The following PSMG2 variants were observed in gnomAD, a reference collection of about 807,000 sequenced individuals.
The protein encoded by PSMG2 is proteasome assembly chaperone 2, also known as CD40 ligand-activated specific transcript 3.
PSMG2 carries 21 observed loss-of-function variants against 31.5 expected under a neutral mutation model. That is an observed-to-expected ratio of 0.67 (90% CI 0.47 to 0.96). The LOEUF (loss-of-function observed/expected upper bound fraction) is 0.96. Among genes scored for constraint, PSMG2 ranks in the 40% least tolerant of loss-of-function variants. The probability of loss-of-function intolerance (pLI) is 0.00; values close to 1 mark genes in which losing one functional copy is unlikely to be tolerated. For missense variants in PSMG2, 318 were observed against 321.2 expected, an observed-to-expected ratio of 0.99 and a Z score of 0.08; for synonymous variants, 120 against 110.4, an observed-to-expected ratio of 1.09 and a Z score of -0.54.
chr18:12,708,650 C>T (rs1053662214), intron 2 of PSMG2, among the ~76,000 whole-genome samples: 7 of 149,876 alleles, frequency 4.7e-5, no homozygotes, highest in South Asian at 2.1e-4. Flanking sequence ...AGGCACAAGC[C>T]GCTGCGCCCA....
chr18:12,704,471 C>T (rs1277468232), intron 1 of PSMG2, among the ~76,000 whole-genome samples: 3 of 152,006 alleles, frequency 2.0e-5, no homozygotes, highest in East Asian at 1.9e-4. Flanking sequence ...GCACCTGTAT[C>T]TCAGCTACTC....
At chr18:12,702,380 G>T, upstream of PSMG2, 1 of 837,820 alleles carries the variant, frequency 1.2e-6, no homozygotes. Context: ...CACAATCCTC[G>T]CTACAGTCCC....
chr18:12,705,632 T>G (rs2040260857), intron 1 of PSMG2, among the ~76,000 whole-genome samples: 1 of 150,864 alleles, frequency 6.6e-6, no homozygotes, highest in Admixed American at 6.7e-5. Context: ...CTTCAACCTT[T>G]CGGAATGGGT....
chr18:12,701,154 GCAGT>G, upstream of PSMG2: 1 of 1,520,148 alleles, frequency 6.6e-7, no homozygotes, highest in Non-Finnish European at 9.0e-7. Context: ...ACATCACAAA[GCAGT>G]CAAATACTGC....
At chr18:12,702,383 A>G, upstream of PSMG2, 1 of 860,806 alleles carries the variant, frequency 1.2e-6, no homozygotes, top group Non-Finnish European at 1.9e-6. Flanking sequence ...AATCCTCGCT[A>G]CAGTCCCGGC....
chr18:12,658,781 C>G (rs1475982595), intron 1 of PSMG2: 1 of 327,742 alleles, frequency 3.1e-6, no homozygotes, highest in Non-Finnish European at 6.3e-6. Context: ...AGGGTAAGCA[C>G]CGTAAAGACG....
At chr18:12,711,651 T>G (rs768857211) in intron 2 of PSMG2, among the ~76,000 whole-genome samples, 1 of 152,122 alleles carries the variant, frequency 6.6e-6, no homozygotes, top group African/African-American at 2.4e-5. Flanking sequence ...TTTGCTGTTA[T>G]TTGCAATCTG....
Position 12,678,475 on chromosome 18 carries a change from CTTAAAAA to C in PSMG2, c.-37+19710_-37+19716del, listed in dbSNP as rs763149385. The C allele has an allele frequency of 7.8e-5, 112 of 1,440,454 alleles. No homozygotes were observed. The East Asian group carries it at 1.9e-3, about 24-fold the overall frequency. 89.2% of individuals were successfully genotyped at this position (1,440,454 alleles called of 1,614,324 possible). A position where few individuals can be genotyped will look rare whatever the true frequency, so the allele number is the denominator to read the frequency against. ...AATTAAATAATTTTATATATGAGAA[CTTAAAAA>C]TTAAAAAGGCAGCATCTTACTGAGA... On this transcript the variant is annotated intron_variant, in intron 1 of 6. Transcript: ENST00000585331.
chr18:12,691,832 C>T (rs1246851359), intron 1 of PSMG2, among the ~76,000 whole-genome samples: 1 of 151,926 alleles, frequency 6.6e-6, no homozygotes, highest in Non-Finnish European at 1.5e-5. Flanking sequence ...TCTCCTGCCT[C>T]AGCCTCCTGA....
At chr18:12,694,375 A>T (rs748682030) in intron 1 of PSMG2, among the ~76,000 whole-genome samples, 2 of 152,216 alleles carry the variant, frequency 1.3e-5, no homozygotes, top group Non-Finnish European at 2.9e-5. Context: ...CACAAGTGCC[A>T]TCCCGGCAAG....
chr18:12,686,501 T>A (rs753869221), intron 1 of PSMG2: 7 of 1,335,620 alleles, frequency 5.2e-6, no homozygotes, highest in Non-Finnish European at 7.3e-6. Context: ...CATCCCCAAT[T>A]ATGTTTTTTT....
At chr18:12,711,841 C>A (rs1408862874) in intron 2 of PSMG2, among the ~76,000 whole-genome samples, 1 of 150,858 alleles carries the variant, frequency 6.6e-6, no homozygotes, top group Non-Finnish European at 1.5e-5. Flanking sequence ...GCAAGCTCCG[C>A]CCCCCGGGTT....
intron 1 of PSMG2, chr18:12,674,441 TAAAAAAA>T: frequency 1.4e-6 from 1 of 715,112 alleles, no homozygotes; most frequent in Non-Finnish European, 2.2e-6. Context: ...GACCTTGAGT[TAAAAAAA>T]AAAAAAAAAG....
chr18:12,672,883 G>GT, intron 1 of PSMG2: 1 of 985,238 alleles, frequency 1.0e-6, no homozygotes, highest in Middle Eastern at 5.2e-4. Context: ...CACAAAAGTG[G>GT]TAATTCATTA....
At position 12,673,331 on chromosome 18, in the gene PSMG2, A is replaced by T. The variant is rs2038996222; in HGVS notation, c.-37+14558A>T. On this transcript the variant is annotated intron_variant, in intron 1 of 6. Coordinates refer to the PSMG2 transcript ENST00000585331. ...ATGTACAATGTGTAAAATTCCAATT[A>T]AACACAGGTATAAATCTTATATAAA... 2.5e-6 allele frequency: 4 copies of T among 1,570,320 alleles called. No individual in the cohort carries two copies. In the South Asian group the frequency reaches 4.7e-5, roughly 19 times the overall value.
At chr18:12,708,963 C>T (rs916519278) in intron 2 of PSMG2, among the ~76,000 whole-genome samples, 10 of 151,712 alleles carry the variant, frequency 6.6e-5, no homozygotes, top group Admixed American at 1.3e-4. Context: ...CCGCCTGCCT[C>T]GTCCTCCCAA....
At chr18:12,659,687 A>G (rs1405532841) in intron 1 of PSMG2, among the ~76,000 whole-genome samples, 1 of 152,066 alleles carries the variant, frequency 6.6e-6, no homozygotes, top group Admixed American at 6.6e-5. Flanking sequence ...TAAATAATAA[A>G]TTGAAAGAGG....
intron 1 of PSMG2, among the ~76,000 whole-genome samples, chr18:12,670,002 A>AAAAAAG (rs1205964501): frequency 9.2e-5 from 14 of 151,402 alleles, no homozygotes; most frequent in Non-Finnish European, 2.9e-5. Context: ...TCTCAAAAAA[A>AAAAAAG]AAAAGAAAAG....
intron 3 of PSMG2, among the ~76,000 whole-genome samples, chr18:12,717,624 C>G (rs1478538118): frequency 6.6e-6 from 1 of 152,240 alleles, no homozygotes; most frequent in African/African-American, 2.4e-5. Context: ...ATCCAACATA[C>G]TCAAATTTCC....
Sources: allele counts gnomAD v4.1 joint callset (sites outside exome capture counted in the v4.1 genomes callset), GRCh38; gene constraint gnomAD v4.1.1; transcripts MANE v1.5; gene names NCBI Gene and HGNC (gene_info 2026-07-23, HGNC 2026-07-21).